IL1RAPL1: variants seen among roughly 807,000 people sequenced by gnomAD.
IL1RAPL1 encodes interleukin 1 receptor accessory protein like 1, also known as interleukin-1 receptor accessory protein-like 1.
IL1RAPL1 carries 3 observed loss-of-function variants against 48.4 expected under a neutral mutation model. The observed-to-expected ratio is 0.06, with a 90% confidence interval of 0.03 to 0.16. The LOEUF is 0.16. Among genes scored for constraint, IL1RAPL1 ranks in the 10% least tolerant of loss-of-function variants. IL1RAPL1 has a pLI of 1.00. For synonymous variants in IL1RAPL1, 185 were observed against 187.7 expected (o/e 0.99, Z 0.12); for missense variants, 349 against 530.6 (o/e 0.66, Z 3.36).
chrX:29,203,722 A>AATATATATATAT (rs56950481), intron 2 of IL1RAPL1, among the ~76,000 whole-genome samples: 59 of 78,394 alleles, frequency 7.5e-4, no homozygotes, highest in African/African-American at 2.5e-3. Flanking sequence ...TCCGTCTCAA[A>AATATATATATAT]ATATATATAT....
At chrX:28,906,781 A>G (rs1923229027) in intron 2 of IL1RAPL1, among the ~76,000 whole-genome samples, 1 of 111,297 alleles carries the variant, frequency 9.0e-6, no homozygotes. Context: ...ATTATGTATC[A>G]GAAGACAAAA....
chrX:29,429,883 TGTGTGTGTGTG>T (rs1187899035), intron 5 of IL1RAPL1, among the ~76,000 whole-genome samples: 1 of 30,555 alleles, frequency 3.3e-5, no homozygotes, highest in African/African-American at 2.8e-4. Context: ...TATATATATG[TGTGTGTGTGTG>T]GTGTGTGTGT....
intron 1 of IL1RAPL1, among the ~76,000 whole-genome samples, chrX:28,767,417 A>C (rs1327668161): frequency 9.1e-6 from 1 of 110,455 alleles, no homozygotes; most frequent in East Asian, 2.8e-4. Context: ...GACCCCTGAG[A>C]TAGTTGATAT....
At chrX:29,094,795 AAAAAAAG>A (rs1928173429) in intron 2 of IL1RAPL1, among the ~76,000 whole-genome samples, 1 of 81,949 alleles carries the variant, frequency 1.2e-5, no homozygotes, top group African/African-American at 4.7e-5. Flanking sequence ...AAAAAAAAAA[AAAAAAAG>A]AAACATCTAT....
At chrX:29,165,458 A>G (rs1352094052) in intron 2 of IL1RAPL1, among the ~76,000 whole-genome samples, 1 of 112,243 alleles carries the variant, frequency 8.9e-6, no homozygotes, top group Non-Finnish European at 1.9e-5. Flanking sequence ...ACTGTTTCCA[A>G]ACTCTTAGGA....
At chrX:29,442,575 G>T (rs1934559782) in intron 5 of IL1RAPL1, among the ~76,000 whole-genome samples, 1 of 111,992 alleles carries the variant, frequency 8.9e-6, no homozygotes, top group Non-Finnish European at 1.9e-5. Flanking sequence ...AATTTTGTAG[G>T]CTGCATGTGG....
chrX:29,282,351 A>G (rs1043521518), intron 2 of IL1RAPL1, among the ~76,000 whole-genome samples: 1 of 112,281 alleles, frequency 8.9e-6, no homozygotes, highest in Non-Finnish European at 1.9e-5. Context: ...CTAAGTTGCT[A>G]TACCAGCAGA....
At chrX:28,667,931 C>G (rs1934899886) in intron 1 of IL1RAPL1, among the ~76,000 whole-genome samples, 1 of 111,536 alleles carries the variant, frequency 9.0e-6, no homozygotes, top group African/African-American at 3.3e-5. Context: ...CCTCTAATAC[C>G]ATCACATTCT....
At chrX:29,199,130 A>T (rs1930502786) in intron 2 of IL1RAPL1, among the ~76,000 whole-genome samples, 2 of 112,116 alleles carry the variant, frequency 1.8e-5, no homozygotes, top group South Asian at 7.3e-4. Context: ...TTTGACTGTT[A>T]TTCATGAATA....
chrX:28,669,768 A>G (rs1934928823), intron 1 of IL1RAPL1, among the ~76,000 whole-genome samples: 1 of 104,557 alleles, frequency 9.6e-6, no homozygotes, highest in Admixed American at 1.1e-4. Flanking sequence ...ATTTATATAT[A>G]TAATCATATA....
intron 2 of IL1RAPL1, among the ~76,000 whole-genome samples, chrX:29,260,870 T>G (rs938226752): frequency 9.2e-6 from 1 of 108,405 alleles, no homozygotes; most frequent in African/African-American, 3.3e-5. Flanking sequence ...TTAATTTTTA[T>G]ATTTGTAATA....
chrX:29,802,867 ATG>A (rs1929992344), intron 6 of IL1RAPL1, among the ~76,000 whole-genome samples: 1 of 89,884 alleles, frequency 1.1e-5, no homozygotes, highest in African/African-American at 4.4e-5. Context: ...ACGTGTACAT[ATG>A]TATACATATA....
intron 6 of IL1RAPL1, among the ~76,000 whole-genome samples, chrX:29,737,651 A>T (rs1197771740): frequency 8.9e-6 from 1 of 112,508 alleles, no homozygotes; most frequent in East Asian, 2.8e-4. Flanking sequence ...TCATTAAAAA[A>T]TGAGTATTTT....
intron 2 of IL1RAPL1, among the ~76,000 whole-genome samples, chrX:28,971,815 G>C (rs1301061733): frequency 1.8e-5 from 2 of 109,498 alleles, no homozygotes; most frequent in African/African-American, 6.7e-5. Flanking sequence ...TGGGGATGAG[G>C]GGGAGGTCAT....
intron 2 of IL1RAPL1, among the ~76,000 whole-genome samples, chrX:28,892,882 T>C (rs191447955): frequency 1.8e-5 from 2 of 111,577 alleles, no homozygotes; most frequent in Admixed American, 9.5e-5. Flanking sequence ...GAAAAACAGG[T>C]ATTAAAGGCC....
At chrX:29,455,250 GA>G (rs994538524) in intron 5 of IL1RAPL1, among the ~76,000 whole-genome samples, 14 of 110,705 alleles carry the variant, frequency 1.3e-4, no homozygotes, top group African/African-American at 4.3e-4. Context: ...AAGTATGTGG[GA>G]AAAAAAATAT....
chrX:29,699,578 A>G (rs937120009), intron 6 of IL1RAPL1, among the ~76,000 whole-genome samples: 1 of 111,805 alleles, frequency 8.9e-6, no homozygotes, highest in African/African-American at 3.2e-5. Flanking sequence ...TATTCCAAAG[A>G]CTCTCTTTTA....
At chrX:29,894,292 G>A (rs1044142222) in intron 6 of IL1RAPL1, among the ~76,000 whole-genome samples, 2 of 112,155 alleles carry the variant, frequency 1.8e-5, no homozygotes, top group Non-Finnish European at 3.8e-5. Context: ...ACTGGAGAAA[G>A]AACGTTGAAA....
intron 2 of IL1RAPL1, among the ~76,000 whole-genome samples, chrX:28,948,649 A>G (rs1679712832): frequency 9.0e-6 from 1 of 111,713 alleles, no homozygotes; most frequent in African/African-American, 3.3e-5. Flanking sequence ...AAGCACCTGT[A>G]ACATTCAGCA....
Sources: allele counts gnomAD v4.1 joint callset (sites outside exome capture counted in the v4.1 genomes callset), GRCh38; gene constraint gnomAD v4.1.1; transcripts MANE v1.5; gene names NCBI Gene and HGNC (gene_info 2026-07-23, HGNC 2026-07-21).